Variants in EXOC2 observed in about 807,000 individuals in gnomAD.
EXOC2 encodes exocyst complex component 2, also known as SEC5-like 1.
Under a neutral mutation model 131.8 loss-of-function variants are expected in EXOC2, and 70 were observed. That is an observed-to-expected ratio of 0.53 (90% CI 0.44 to 0.65). The LOEUF (loss-of-function observed/expected upper bound fraction) is 0.65. Among genes scored for constraint, EXOC2 ranks in the 30% least tolerant of loss-of-function variants. EXOC2 has a pLI of 0.00. For missense variants in EXOC2, 923 were observed against 1,108.6 expected (o/e 0.83, Z 2.38); for synonymous variants, 411 against 398.4 (o/e 1.03, Z -0.38).
Position 595,161 on chromosome 6 carries a change from A to T in EXOC2, c.1074-2574T>A, listed in dbSNP as rs577954114. ...GAGGGAGAAGAATAGGGAAGGTTTA[A>T]ATTAGATAAAATAGTGAATGATATT... On this transcript the variant is annotated intron_variant, in intron 10 of 27. Coordinates refer to ENST00000230449, the MANE Select transcript of EXOC2 (RefSeq NM_018303.6). 3.7e-4 allele frequency among the ~76,000 whole-genome samples: 57 copies of T among 152,198 alleles called. 2 individuals are homozygous for T. Among genetic ancestry groups the T allele is most frequent in the African/African-American group, 1.4e-3 (57 of 41,448 alleles).
At chr6:502,803 G>GA (rs143012240) in intron 23 of EXOC2, among the ~76,000 whole-genome samples, 2,132 of 152,078 alleles carry the variant, frequency 0.014, 59 homozygotes, top group African/African-American at 0.049. Context: ...CTTTTTGAAT[G>GA]AAAAAAAGGA....
chr6:588,514 C>A (rs994064167), intron 11 of EXOC2, among the ~76,000 whole-genome samples: 1 of 152,126 alleles, frequency 6.6e-6, no homozygotes, highest in Non-Finnish European at 1.5e-5. Flanking sequence ...ACCACCATAC[C>A]TGGCTAATTT....
intron 1 of EXOC2, among the ~76,000 whole-genome samples, chr6:684,100 A>G (rs1764535445): frequency 6.6e-6 from 1 of 152,164 alleles, no homozygotes; most frequent in South Asian, 2.1e-4. Context: ...CGGACCACAC[A>G]GCGCCAGCTG....
rs540705396 is a variant in EXOC2 at position 623,004 on chromosome 6, C to G, written c.423-3461G>C. Among the ~76,000 whole-genome samples, 6 of 152,374 alleles carry G rather than the reference C, an allele frequency of 3.9e-5. No homozygotes were observed. The South Asian group carries it at 6.2e-4, about 16-fold the overall frequency. On this transcript the variant is annotated intron_variant, in intron 4 of 27. Transcript: ENST00000230449. Reference sequence around the variant, plus strand: ...AAGATTTTAAGAAACTCTCCTACCCCCAGGAGTCCCTCCCTCCCTCATCCT... The same window carrying G: ...AAGATTTTAAGAAACTCTCCTACCCGCAGGAGTCCCTCCCTCCCTCATCCT...
chr6:547,735 T>C lies in EXOC2; in HGVS notation c.2238+1440A>G, dbSNP rs188160711. Among the ~76,000 whole-genome samples, 468 of 152,202 alleles carry C rather than the reference T, an allele frequency of 3.1e-3. 8 individuals are homozygous for C. The highest frequency in any genetic ancestry group is 0.027 in the Admixed American group (412 of 15,288). Reference sequence around the variant, plus strand: ...ATTTCAAAATATTCAAGACGGTCGATGAAAAAAAAATCCAAATTCTGAGTG... The same window carrying C: ...ATTTCAAAATATTCAAGACGGTCGACGAAAAAAAAATCCAAATTCTGAGTG... On this transcript the variant is annotated intron_variant, in intron 22 of 27. Transcript: ENST00000230449.
In EXOC2 at chr6:583,481, A is replaced by G. The variant is rs2127611758; in HGVS notation, c.1193-6599T>C. On this transcript the variant is annotated intron_variant, in intron 11 of 27. Coordinates refer to ENST00000230449, the MANE Select transcript of EXOC2 (RefSeq NM_018303.6). ...TGTAAGGTGAATAGAATCTATTACAAAACAGGAGACACAAAAAAAAGAGAC... is the reference window on the plus strand; with the variant it reads ...TGTAAGGTGAATAGAATCTATTACAGAACAGGAGACACAAAAAAAAGAGAC... 1.3e-5 allele frequency among the ~76,000 whole-genome samples: 2 copies of G among 151,840 alleles called. 1 individual carries two copies. The highest frequency in any genetic ancestry group is 4.1e-4 in the South Asian group (2 of 4,826).
intron 5 of EXOC2, among the ~76,000 whole-genome samples, chr6:618,690 G>A (rs55713875): frequency 0.061 from 9,295 of 152,128 alleles, 416 homozygotes; most frequent in Non-Finnish European, 0.09. Flanking sequence ...AAGCAATCAG[G>A]TTAAATTTAT....
chr6:539,938 T>C (rs777800525), intron 22 of EXOC2, among the ~76,000 whole-genome samples: 5 of 152,106 alleles, frequency 3.3e-5, no homozygotes, highest in Non-Finnish European at 7.4e-5. Context: ...GGGGGCAAAA[T>C]AAATGCCAAG....
chr6:491,564 CCA>C (rs1763437310), intron 25 of EXOC2, among the ~76,000 whole-genome samples: 1 of 152,258 alleles, frequency 6.6e-6, no homozygotes, highest in South Asian at 2.1e-4. Flanking sequence ...GGCCCGTGTC[CCA>C]CAGAGGTAAG....
rs747438697 is a variant in EXOC2, at chr6:497,355, T to A, written c.2559+12A>T. ...AACAGAAGTTCAATATGAAATTGAA[T>A]GATTTTGTTACCTGTAAAGCTCCAT... On this transcript the variant is annotated intron_variant, in intron 25 of 27. Transcript: ENST00000230449. The A allele has an allele frequency of 4.3e-6, 7 of 1,610,998 alleles. No homozygotes were observed. The Admixed American group carries it at 6.7e-5, about 15-fold the overall frequency.
intron 23 of EXOC2, among the ~76,000 whole-genome samples, chr6:502,306 G>A (rs1028101356): frequency 6.6e-6 from 1 of 152,192 alleles, no homozygotes; most frequent in African/African-American, 2.4e-5. Flanking sequence ...GGGCTCTAAC[G>A]ATGTGCTACG....
At chr6:533,205 G>T (rs1169138959) in intron 22 of EXOC2, among the ~76,000 whole-genome samples, 1 of 152,110 alleles carries the variant, frequency 6.6e-6, no homozygotes, top group African/African-American at 2.4e-5. Context: ...GGGACAGAAA[G>T]CCTAACCATA....
intron 17 of EXOC2, among the ~76,000 whole-genome samples, chr6:562,421 T>G (rs1243598057): frequency 1.3e-5 from 2 of 152,246 alleles, no homozygotes; most frequent in African/African-American, 2.4e-5. Flanking sequence ...TTTTTGTTTG[T>G]TTGGTTTGTT....
chr6:690,875 C>T (rs1189093076), intron 1 of EXOC2, among the ~76,000 whole-genome samples: 1 of 152,222 alleles, frequency 6.6e-6, no homozygotes, highest in Non-Finnish European at 1.5e-5. Context: ...ACATATTCCC[C>T]AGGATCTGAG....
At chr6:667,257 AG>A (rs1763665836) in intron 1 of EXOC2, among the ~76,000 whole-genome samples, 2 of 97,746 alleles carry the variant, frequency 2.0e-5, no homozygotes, top group African/African-American at 6.1e-5. Flanking sequence ...GTTTCTTACA[AG>A]GAAGGTTTAC....
At chr6:613,882 T>TTAAATAAA (rs894713136) in intron 6 of EXOC2, among the ~76,000 whole-genome samples, 1 of 151,466 alleles carries the variant, frequency 6.6e-6, no homozygotes, top group Non-Finnish European at 1.5e-5. Flanking sequence ...AAAGTATAAT[T>TTAAATAAA]TAAATAAATA....
intron 23 of EXOC2, among the ~76,000 whole-genome samples, chr6:517,531 A>G (rs1047824750): frequency 3.0e-5 from 3 of 100,560 alleles, no homozygotes; most frequent in African/African-American, 4.1e-5. Flanking sequence ...ACTGTACTTC[A>G]GAGCTTAATG....
At chr6:577,868 T>C (rs959808481) in intron 11 of EXOC2, among the ~76,000 whole-genome samples, 1 of 152,200 alleles carries the variant, frequency 6.6e-6, no homozygotes, top group African/African-American at 2.4e-5. Flanking sequence ...AGATGCCACT[T>C]GAAATACAGC....
At chr6:641,294 G>C (rs1051301816) in intron 1 of EXOC2, among the ~76,000 whole-genome samples, 1 of 152,092 alleles carries the variant, frequency 6.6e-6, no homozygotes, top group African/African-American at 2.4e-5. Context: ...TTGTATAATA[G>C]AGTATTTGAC....
Sources: allele counts gnomAD v4.1 joint callset (sites outside exome capture counted in the v4.1 genomes callset), GRCh38; gene constraint gnomAD v4.1.1; transcripts MANE v1.5; gene names NCBI Gene and HGNC (gene_info 2026-07-23, HGNC 2026-07-21).